The following RANBP2 variants were observed in gnomAD, a reference collection of about 807,000 sequenced individuals.
The protein encoded by RANBP2 is E3 SUMO-protein ligase RanBP2.
Under a neutral mutation model 303.6 loss-of-function variants are expected in RANBP2, and 57 were observed. The ratio of observed to expected loss-of-function variants is 0.19; its 90% CI spans 0.15 to 0.23. The LOEUF is 0.23. Among genes scored for constraint, RANBP2 ranks in the 10% least tolerant of loss-of-function variants. The probability of loss-of-function intolerance (pLI) is 1.00; values close to 1 mark genes in which losing one functional copy is unlikely to be tolerated. For missense variants in RANBP2, 3,138 were observed against 3,780.8 expected, an observed-to-expected ratio of 0.83 and a Z score of 4.46; for synonymous variants, 1,167 against 1,301.5, an observed-to-expected ratio of 0.90 and a Z score of 2.23.
the RANBP2 span, among the ~76,000 whole-genome samples, chr2:108,825,024 C>G: frequency 6.6e-6 from 1 of 152,136 alleles, no homozygotes; most frequent in Admixed American, 6.5e-5. Flanking sequence ...ATGGAAGATA[C>G]AGTACACAGA....
At chr2:109,431,061 C>T in the RANBP2 span, among the ~76,000 whole-genome samples, 1 of 152,220 alleles carries the variant, frequency 6.6e-6, no homozygotes, top group Non-Finnish European at 1.5e-5. Flanking sequence ...CCTGCTATTC[C>T]AGAATATTCC....
chr2:109,149,058 C>T, the RANBP2 span, among the ~76,000 whole-genome samples: 1 of 152,108 alleles, frequency 6.6e-6, no homozygotes, highest in East Asian at 1.9e-4. Context: ...TCTTTCCTTC[C>T]TTCAGAGGCT....
the RANBP2 span, among the ~76,000 whole-genome samples, chr2:108,849,703 G>C: frequency 1.3e-5 from 2 of 152,288 alleles, no homozygotes; most frequent in East Asian, 3.9e-4. Context: ...AATCACTGTG[G>C]AACAAGGAAG....
At chr2:108,741,811 CTTTTT>C (rs397872027) in intron 7 of RANBP2, among the ~76,000 whole-genome samples, 2 of 108,956 alleles carry the variant, frequency 1.8e-5, no homozygotes, top group Admixed American at 1.0e-4. Flanking sequence ...CACACCCAGC[CTTTTT>C]TTTTTTTTTT....
chr2:108,803,930 CTG>C, the RANBP2 span, among the ~76,000 whole-genome samples: 6 of 152,244 alleles, frequency 3.9e-5, no homozygotes, highest in South Asian at 2.1e-4. Flanking sequence ...TTAAAAATAA[CTG>C]TATTTGTGAC....
At chr2:109,627,127 A>T in the RANBP2 span, among the ~76,000 whole-genome samples, 2 of 152,158 alleles carry the variant, frequency 1.3e-5, no homozygotes, top group Non-Finnish European at 2.9e-5. Context: ...ATCTGTGAAT[A>T]CCCACTGCAC....
At chr2:109,424,699 G>C in the RANBP2 span, among the ~76,000 whole-genome samples, 1 of 152,170 alleles carries the variant, frequency 6.6e-6, no homozygotes, top group Non-Finnish European at 1.5e-5. Context: ...GCCCACATAA[G>C]ACAGCGAACT....
At chr2:108,729,031 G>A in intron 1 of RANBP2, 101 bp from the exon 2 acceptor site, 2 of 1,343,462 alleles carry the variant, frequency 1.5e-6, no homozygotes, top group Non-Finnish European at 2.0e-6. Flanking sequence ...AATGAAAGTG[G>A]CGTATTTGAA....
chr2:108,930,423 G>A, the RANBP2 span, among the ~76,000 whole-genome samples: 1 of 152,076 alleles, frequency 6.6e-6, no homozygotes, highest in Non-Finnish European at 1.5e-5. Flanking sequence ...GTGGCTCCTG[G>A]TTGATCACCT....
the RANBP2 span, among the ~76,000 whole-genome samples, chr2:108,949,742 C>T: frequency 4.6e-5 from 7 of 152,158 alleles, no homozygotes; most frequent in Admixed American, 1.3e-4. Context: ...CATGCATGTC[C>T]TTATTTCTTC....
chr2:109,452,827 G>A, the RANBP2 span, among the ~76,000 whole-genome samples: 18 of 149,740 alleles, frequency 1.2e-4, no homozygotes, highest in Non-Finnish European at 2.5e-4. Flanking sequence ...CTGGGAGGCT[G>A]GTGCCAGGAG....
At chr2:109,404,517 C>T in the RANBP2 span, among the ~76,000 whole-genome samples, 3 of 152,096 alleles carry the variant, frequency 2.0e-5, no homozygotes, top group Non-Finnish European at 2.9e-5. Context: ...GAAGTTTTGC[C>T]GGGCCTAGGC....
the RANBP2 span, among the ~76,000 whole-genome samples, chr2:108,941,951 G>A: frequency 1.3e-5 from 2 of 152,242 alleles, no homozygotes; most frequent in African/African-American, 4.8e-5. Context: ...AGAGAGGCCT[G>A]TCCATGCCAC....
chr2:109,121,853 C>G, the RANBP2 span, among the ~76,000 whole-genome samples: 1 of 152,230 alleles, frequency 6.6e-6, no homozygotes, highest in African/African-American at 2.4e-5. Flanking sequence ...TGCCTGCCAG[C>G]ACCTCTAACT....
chr2:109,496,227 T>G, the RANBP2 span, among the ~76,000 whole-genome samples: 2 of 152,218 alleles, frequency 1.3e-5, no homozygotes, highest in African/African-American at 4.8e-5. Context: ...GAGTGCTGAT[T>G]GGCGCGTTTT....
the RANBP2 span, among the ~76,000 whole-genome samples, chr2:109,025,798 GAAA>G: frequency 1.9e-5 from 2 of 104,492 alleles, no homozygotes; most frequent in Admixed American, 1.0e-4. Flanking sequence ...ACTCCGTCTC[GAAA>G]AAAAAAAAAA....
chr2:109,156,421 G>A, the RANBP2 span, among the ~76,000 whole-genome samples: 2 of 152,132 alleles, frequency 1.3e-5, no homozygotes, highest in Non-Finnish European at 2.9e-5. Context: ...ATTCAGGGGA[G>A]AGGATACACT....
At chr2:109,341,054 G>A in the RANBP2 span, among the ~76,000 whole-genome samples, 2 of 152,292 alleles carry the variant, frequency 1.3e-5, no homozygotes, top group Admixed American at 1.3e-4. Context: ...TGTTTGAAGG[G>A]CAAGTCGTGT....
At chr2:108,888,703 ATTAAT>A in the RANBP2 span, among the ~76,000 whole-genome samples, 8 of 151,744 alleles carry the variant, frequency 5.3e-5, no homozygotes, top group Non-Finnish European at 1.0e-4. Flanking sequence ...TCTTTCCTTG[ATTAAT>A]TTAGCTAACC....
Sources: allele counts gnomAD v4.1 joint callset (sites outside exome capture counted in the v4.1 genomes callset), GRCh38; gene constraint gnomAD v4.1.1; transcripts MANE v1.5; gene names NCBI Gene and HGNC (gene_info 2026-07-23, HGNC 2026-07-21).